UBE2E2: variants seen among roughly 807,000 people sequenced by gnomAD.
The protein encoded by UBE2E2 is ubiquitin-conjugating enzyme E2 E2.
In UBE2E2, 6 loss-of-function variants were observed where a neutral mutation model predicts 24.7. The observed-to-expected ratio is 0.24, with a 90% CI of 0.13 to 0.48. The LOEUF (loss-of-function observed/expected upper bound fraction) is 0.48. Among genes scored for constraint, UBE2E2 ranks in the 20% least tolerant of loss-of-function variants. UBE2E2 has a pLI of 0.99. For synonymous variants in UBE2E2, 104 were observed against 83.6 expected (o/e 1.24, Z -1.33); for missense variants, 169 against 245.0 (o/e 0.69, Z 2.07).
chr3:23,209,724 A>C (rs1449908640), intron 2 of UBE2E2, among the ~76,000 whole-genome samples: 2 of 152,172 alleles, frequency 1.3e-5, no homozygotes, highest in Non-Finnish European at 2.9e-5. Flanking sequence ...CCTTTCTCAA[A>C]GATAAAAAAC....
chr3:23,350,616 A>G (rs1695716484), intron 3 of UBE2E2, among the ~76,000 whole-genome samples: 1 of 152,364 alleles, frequency 6.6e-6, no homozygotes, highest in East Asian at 1.9e-4. Context: ...CGATGTGATC[A>G]ACTGGAAGAA....
At chr3:23,459,557 A>C (rs1485617854) in intron 3 of UBE2E2, among the ~76,000 whole-genome samples, 2 of 152,234 alleles carry the variant, frequency 1.3e-5, no homozygotes, top group African/African-American at 4.8e-5. Context: ...TCCAGAACGT[A>C]AAAAGGAGAA....
At chr3:23,248,698 A>T (rs769860453) in intron 3 of UBE2E2, among the ~76,000 whole-genome samples, 6 of 148,526 alleles carry the variant, frequency 4.0e-5, no homozygotes, top group Non-Finnish European at 7.6e-5. Context: ...CTGATCAGTG[A>T]ATGTGTGTCC....
chr3:23,380,345 T>A (rs2125349721), intron 3 of UBE2E2, among the ~76,000 whole-genome samples: 1 of 152,350 alleles, frequency 6.6e-6, no homozygotes. Flanking sequence ...CAGCTAGGAC[T>A]ACAGGCACAT....
At chr3:23,234,690 C>T (rs1369647910) in intron 3 of UBE2E2, among the ~76,000 whole-genome samples, 2 of 152,124 alleles carry the variant, frequency 1.3e-5, no homozygotes, top group African/African-American at 4.8e-5. Flanking sequence ...CTGTACTAAT[C>T]TCTAATGGCT....
At chr3:23,399,384 A>G (rs1022084837) in intron 3 of UBE2E2, among the ~76,000 whole-genome samples, 3 of 152,188 alleles carry the variant, frequency 2.0e-5, no homozygotes, top group African/African-American at 4.8e-5. Flanking sequence ...CTAAGTGACT[A>G]AAGGGCAGAT....
Position 23,546,991 on chromosome 3 carries a change from T to C in UBE2E2, c.508+14290T>C, listed in dbSNP as rs572299513. Among the ~76,000 whole-genome samples the C allele has an allele frequency of 1.2e-4, 19 of 152,298 alleles. No individual in the cohort carries two copies. In the South Asian group the frequency reaches 3.9e-3, roughly 32 times the overall value. On this transcript the variant is annotated intron_variant, in intron 5 of 5. Transcript: ENST00000396703. ...ATCCGTGCTTTTTTGATGACTTGGA[T>C]TATTCTGTTTCTGTTAGAGTTATTT...
chr3:23,312,753 T>C (rs752201339), intron 3 of UBE2E2, among the ~76,000 whole-genome samples: 9 of 152,210 alleles, frequency 5.9e-5, no homozygotes, highest in Non-Finnish European at 1.3e-4. Flanking sequence ...AAAAAAGTAC[T>C]GCTCTTTCTG....
intron 3 of UBE2E2, among the ~76,000 whole-genome samples, chr3:23,366,968 T>C (rs1696274157): frequency 6.6e-6 from 1 of 152,188 alleles, no homozygotes; most frequent in Non-Finnish European, 1.5e-5. Flanking sequence ...ACATAATTTT[T>C]ACAAAAAAAT....
intron 3 of UBE2E2, among the ~76,000 whole-genome samples, chr3:23,255,225 A>G (rs563033806): frequency 1.5e-4 from 22 of 149,774 alleles, no homozygotes; most frequent in Admixed American, 1.3e-3. Flanking sequence ...ATGGGACTAC[A>G]GGCACACACC....
chr3:23,295,244 A>G (rs113509635), intron 3 of UBE2E2, among the ~76,000 whole-genome samples: 3 of 151,888 alleles, frequency 2.0e-5, no homozygotes, highest in African/African-American at 7.3e-5. Flanking sequence ...TGATTTTTGG[A>G]GCATTGCACT....
intron 3 of UBE2E2, among the ~76,000 whole-genome samples, chr3:23,365,013 A>G (rs541859453): frequency 6.6e-6 from 1 of 152,290 alleles, no homozygotes; most frequent in South Asian, 2.1e-4. Flanking sequence ...AGAATTATAA[A>G]CAAAATCACA....
intron 3 of UBE2E2, among the ~76,000 whole-genome samples, chr3:23,367,332 C>T (rs988314288): frequency 2.0e-5 from 3 of 152,046 alleles, no homozygotes; most frequent in Non-Finnish European, 2.9e-5. Flanking sequence ...ATCTAGGTAG[C>T]TTCATGATGG....
At chr3:23,483,605 A>T (rs758117930) in intron 3 of UBE2E2, among the ~76,000 whole-genome samples, 1 of 152,208 alleles carries the variant, frequency 6.6e-6, no homozygotes, top group Non-Finnish European at 1.5e-5. Context: ...GTGCCTATCA[A>T]ACTTTTAATG....
chr3:23,577,451 C>T (rs745504469), intron 5 of UBE2E2, among the ~76,000 whole-genome samples: 30 of 152,046 alleles, frequency 2.0e-4, no homozygotes, highest in Non-Finnish European at 4.0e-4. Context: ...GGCCGTAACT[C>T]TCTGCAATCC....
chr3:23,367,015 C>G (rs1026581144), intron 3 of UBE2E2, among the ~76,000 whole-genome samples: 4 of 152,156 alleles, frequency 2.6e-5, no homozygotes, highest in African/African-American at 9.7e-5. Context: ...AAGGGACTCT[C>G]TTAGTCCTTG....
At chr3:23,540,060 A>AT (rs1293102268) in intron 5 of UBE2E2, among the ~76,000 whole-genome samples, 7 of 151,778 alleles carry the variant, frequency 4.6e-5, no homozygotes, top group Non-Finnish European at 1.0e-4. Context: ...TTTTTTGTTT[A>AT]TTATTTATTT....
intron 3 of UBE2E2, among the ~76,000 whole-genome samples, chr3:23,379,068 G>A (rs1317801866): frequency 6.6e-6 from 1 of 151,960 alleles, no homozygotes; most frequent in African/African-American, 2.4e-5. Flanking sequence ...AAATCTTTGG[G>A]AGAGGGATTT....
At chr3:23,223,743 T>C (rs760631909) in intron 3 of UBE2E2, among the ~76,000 whole-genome samples, 11 of 152,160 alleles carry the variant, frequency 7.2e-5, no homozygotes, top group Non-Finnish European at 1.5e-4. Context: ...ACACAAGAAA[T>C]CTTTGCCCAG....
Sources: allele counts gnomAD v4.1 joint callset (sites outside exome capture counted in the v4.1 genomes callset), GRCh38; gene constraint gnomAD v4.1.1; transcripts MANE v1.5; gene names NCBI Gene and HGNC (gene_info 2026-07-23, HGNC 2026-07-21).